Variants in ZNF69 observed in about 807,000 individuals in gnomAD.
The protein encoded by ZNF69 is ZNF3.
Under a neutral mutation model 50.9 loss-of-function variants are expected in ZNF69, and 47 were observed. The ratio of observed to expected loss-of-function variants is 0.92; its 90% CI spans 0.73 to 1.18. The LOEUF (loss-of-function observed/expected upper bound fraction) is 1.18. Among genes scored for constraint, ZNF69 ranks in the 50% most tolerant of loss-of-function variants. The pLI, the probability that ZNF69 is intolerant of heterozygous loss-of-function variation, is 0.00. For missense variants in ZNF69, 717 were observed against 675.1 expected, an observed-to-expected ratio of 1.06 and a Z score of -0.69; for synonymous variants, 216 against 223.1, an observed-to-expected ratio of 0.97 and a Z score of 0.29.
At chr19:11,974,087 TTC>T in the ZNF69 span, among the ~76,000 whole-genome samples, 2 of 85,478 alleles carry the variant, frequency 2.3e-5, no homozygotes, top group Non-Finnish European at 4.6e-5. Context: ...CTTTCTTTCT[TTC>T]TTTCTTTCTT....
the ZNF69 span, among the ~76,000 whole-genome samples, chr19:11,940,911 G>A: frequency 2.0e-5 from 3 of 151,658 alleles, no homozygotes; most frequent in South Asian, 2.1e-4. Flanking sequence ...ACAGAGTGTC[G>A]ATTGGTGCAT....
At chr19:11,949,332 C>T in the ZNF69 span, 82 of 1,593,680 alleles carry the variant, frequency 5.1e-5, 1 homozygote, top group South Asian at 7.9e-5. Context: ...TTCGAGTGCA[C>T]GGTGGGACTC....
intron 4 of ZNF69, chr19:11,913,322 T>C: frequency 1.8e-6 from 1 of 544,066 alleles, no homozygotes. Context: ...CCAGGCATCT[T>C]TTTTTTTTCG....
chr19:11,904,924 A>G lies in ZNF69; in HGVS notation c.527A>G (p.His176Arg), dbSNP rs760722597. 2.5e-6 allele frequency: 4 copies of G among 1,614,060 alleles called. No homozygotes were observed. The highest frequency in any genetic ancestry group is 2.2e-5 in the East Asian group (1 of 44,876). Residue 176 changes from histidine to arginine, a missense_variant, in exon 4 of 4, where the codon CAC becomes CGC. Transcript: ENST00000429654. ...CQQPKKAFRYHPSFRTPQRDH... is the reference protein window; with the variant it reads ...CQQPKKAFRYRPSFRTPQRDH... ...CAACCTAAAAAAGCCTTCAGATATC[A>G]CCCCTCCTTTAGAACACCACAAAGG...
intron 1 of ZNF69, among the ~76,000 whole-genome samples, chr19:11,900,650 CT>C (rs1972224516): frequency 6.6e-6 from 1 of 152,162 alleles, no homozygotes; most frequent in South Asian, 2.1e-4. Flanking sequence ...CGTAACCGGC[CT>C]TTTGCTTATT....
At chr19:11,934,189 A>T in the ZNF69 span, among the ~76,000 whole-genome samples, 22 of 145,724 alleles carry the variant, frequency 1.5e-4, 2 homozygotes, top group South Asian at 2.1e-3. Context: ...ATTTTTTTTT[A>T]AAAAAAGACT....
chr19:11,950,243 C>A, the ZNF69 span: 21 of 1,609,936 alleles, frequency 1.3e-5, no homozygotes, highest in East Asian at 1.6e-4. Flanking sequence ...TGTGGGAAAG[C>A]ATTCAGCTAG....
At chr19:11,972,310 A>C in the ZNF69 span, among the ~76,000 whole-genome samples, 1 of 152,152 alleles carries the variant, frequency 6.6e-6, no homozygotes, top group Non-Finnish European at 1.5e-5. Flanking sequence ...AAGGGAAGAA[A>C]AGAAAAAAGA....
chr19:11,905,200 G>T lies in ZNF69; in HGVS notation c.803G>T (p.Arg268Ile), dbSNP rs115411283. ...SYSATLRIHERTHTGEKPYEC... is the reference protein window; with the variant it reads ...SYSATLRIHEITHTGEKPYEC... ...TCTGCTACCCTTCGAATACACGAAA[G>T]AACTCACACTGGAGAAAAGCCTTAT... The change falls in exon 4 of 4, where the codon AGA (arginine) becomes ATA (isoleucine). Residue 268 changes from arginine (R) to isoleucine (I), a missense_variant. Arg to Ile is a moderately conservative substitution (Grantham distance 97). Transcript: ENST00000429654. 1,683 of 1,614,110 alleles carry T rather than the reference G, an allele frequency of 1.0e-3. 20 individuals carry two copies. In the African/African-American group the frequency reaches 0.02, roughly 20 times the overall value.
chr19:11,921,062 C>T, the ZNF69 span, among the ~76,000 whole-genome samples: 1 of 152,160 alleles, frequency 6.6e-6, no homozygotes, highest in African/African-American at 2.4e-5. Context: ...TGTCCCAGTC[C>T]CAAAGTGCCC....
the ZNF69 span, among the ~76,000 whole-genome samples, chr19:11,975,437 G>A: frequency 7.2e-3 from 1,078 of 149,948 alleles, 18 homozygotes; most frequent in African/African-American, 0.025. Context: ...TTGCTCTGTC[G>A]CCCAGGCTGG....
chr19:11,970,790 G>A, the ZNF69 span, among the ~76,000 whole-genome samples: 1 of 152,116 alleles, frequency 6.6e-6, no homozygotes, highest in Non-Finnish European at 1.5e-5. Flanking sequence ...CATTAGCTGA[G>A]CATGGCAGCG....
At chr19:11,976,483 G>A in the ZNF69 span, among the ~76,000 whole-genome samples, 2 of 150,172 alleles carry the variant, frequency 1.3e-5, no homozygotes, top group South Asian at 2.1e-4. Flanking sequence ...ATGAACTCAG[G>A]AGGAAGAGGT....
chr19:11,946,545 CTAAG>C, the ZNF69 span, among the ~76,000 whole-genome samples: 2 of 152,124 alleles, frequency 1.3e-5, no homozygotes, highest in Non-Finnish European at 2.9e-5. Context: ...CCAGCTGTAA[CTAAG>C]TGTCTGTGTA....
chr19:11,954,582 A>G, the ZNF69 span, among the ~76,000 whole-genome samples: 2 of 152,286 alleles, frequency 1.3e-5, no homozygotes, highest in Admixed American at 6.5e-5. Flanking sequence ...TGTAATCCCA[A>G]CAATTTGGGA....
chr19:11,892,481 A>G (rs910727263), intron 1 of ZNF69, among the ~76,000 whole-genome samples: 4 of 152,084 alleles, frequency 2.6e-5, no homozygotes, highest in Non-Finnish European at 2.9e-5. Context: ...AGAGGGGCCC[A>G]GTGGGATGGC....
chr19:11,950,199 T>C, the ZNF69 span: 1 of 1,613,436 alleles, frequency 6.2e-7, no homozygotes, highest in Non-Finnish European at 8.5e-7. Context: ...ACGCAAGGAC[T>C]CATATGGGAG....
chr19:11,900,360 T>TC (rs1972217883), intron 1 of ZNF69, among the ~76,000 whole-genome samples: 1 of 151,818 alleles, frequency 6.6e-6, no homozygotes, highest in African/African-American at 2.4e-5. Context: ...GATTGGGCTT[T>TC]TTTTTTTTTT....
the ZNF69 span, among the ~76,000 whole-genome samples, chr19:11,946,447 G>T: frequency 6.6e-6 from 1 of 152,148 alleles, no homozygotes; most frequent in African/African-American, 2.4e-5. Context: ...CCCTTGGCGG[G>T]TGGGGAGAGA....
Sources: gnomAD v4.1 joint callset for allele counts (sites outside exome capture counted in the v4.1 genomes callset) on GRCh38, gnomAD v4.1.1 for gene constraint, MANE v1.5 for transcripts, NCBI Gene and HGNC (gene_info 2026-07-23, HGNC 2026-07-21) for gene names.